Variants in ANO6 observed in about 807,000 individuals in gnomAD.
ANO6 encodes the protein anoctamin-6.
In ANO6, 106 loss-of-function variants were observed where a neutral mutation model predicts 117.5. That is an observed-to-expected ratio of 0.90 (90% CI 0.77 to 1.06). ANO6 has a LOEUF of 1.06. Ranked by LOEUF, ANO6 falls within the 50% of genes least tolerant of loss-of-function variation. ANO6 has a pLI of 0.00. For missense variants in ANO6, 955 were observed against 1,121.1 expected (o/e 0.85, Z 2.12); for synonymous variants, 367 against 385.1 (o/e 0.95, Z 0.55).
At chr12:45,337,941 GTATT>G (rs778807119) in intron 3 of ANO6, among the ~76,000 whole-genome samples, 3 of 151,948 alleles carry the variant, frequency 2.0e-5, no homozygotes, top group Non-Finnish European at 4.4e-5. Context: ...TGGAAAAAAA[GTATT>G]TAAGGTCACC....
Position 45,388,182 on chromosome 12 carries a change from G to T in ANO6, c.1187G>T (p.Trp396Leu), listed in dbSNP as rs1942348599. Residue 396 changes from tryptophan to leucine, a missense_variant, in exon 11 of 20, where the codon TGG becomes TTG. Transcript: ENST00000320560. ...GVWVTLFLEFWKRRQAELEYE... is the reference protein window; with the variant it reads ...GVWVTLFLEFLKRRQAELEYE... ...TTAGTTACCTTGTTTTTGGAGTTTT[G>T]GAAGCGACGCCAGGCAGAACTTGAG... The T allele has an allele frequency of 6.2e-7, 1 of 1,613,932 alleles. No homozygotes were observed. Among genetic ancestry groups the T allele is most frequent in the African/African-American group, 1.3e-5 (1 of 75,020 alleles).
At chr12:45,389,231 C>G (rs1942377965) in intron 11 of ANO6, among the ~76,000 whole-genome samples, 1 of 152,140 alleles carries the variant, frequency 6.6e-6, no homozygotes, top group Non-Finnish European at 1.5e-5. Context: ...AAACGAGGTT[C>G]AATTACCAGT....
intron 4 of ANO6, 99 bp downstream of exon 4, chr12:45,347,186 G>T: frequency 1.8e-6 from 2 of 1,125,080 alleles, no homozygotes; most frequent in Non-Finnish European, 2.7e-6. Context: ...ATGCAGCCCT[G>T]GCCACATCTT....
At chr12:45,270,378 G>C in intron 1 of ANO6, 1 of 1,413,664 alleles carries the variant, frequency 7.1e-7, no homozygotes, top group Non-Finnish European at 9.2e-7. Flanking sequence ...AGGCAGGTCT[G>C]ATGCCGCCTC....
At chr12:45,316,423 C>T (rs1012717426) in intron 2 of ANO6, among the ~76,000 whole-genome samples, 6 of 151,886 alleles carry the variant, frequency 4.0e-5, no homozygotes, top group Admixed American at 2.6e-4. Context: ...GAAGAGGAAA[C>T]GGAGCAAAGG....
intron 9 of ANO6, among the ~76,000 whole-genome samples, chr12:45,368,357 A>G (rs990695306): frequency 2.6e-5 from 4 of 152,222 alleles, no homozygotes; most frequent in African/African-American, 9.6e-5. Flanking sequence ...TGAAATCTGT[A>G]CTTCTGTTTT....
intron 9 of ANO6, among the ~76,000 whole-genome samples, chr12:45,371,169 G>A (rs550282020): frequency 7.9e-5 from 12 of 152,310 alleles, no homozygotes; most frequent in South Asian, 2.1e-4. Flanking sequence ...AAAAAACGGC[G>A]CACCACAAGA....
At chr12:45,339,586 G>T (rs1266348022) in intron 3 of ANO6, among the ~76,000 whole-genome samples, 1 of 151,890 alleles carries the variant, frequency 6.6e-6, no homozygotes, top group Non-Finnish European at 1.5e-5. Flanking sequence ...TCTGTTTTTT[G>T]TCCCCTAGTG....
intron 6 of ANO6, 49 bp downstream of exon 6, chr12:45,348,680 T>G: frequency 2.2e-6 from 3 of 1,378,132 alleles, no homozygotes; most frequent in Non-Finnish European, 3.1e-6. Flanking sequence ...TATACTCTGG[T>G]GTTGACAATA....
intron 1 of ANO6, among the ~76,000 whole-genome samples, chr12:45,294,118 A>G (rs898597009): frequency 8.5e-5 from 13 of 152,264 alleles, no homozygotes; most frequent in African/African-American, 3.1e-4. Flanking sequence ...GAGGTTGAAA[A>G]TAAGAAGGAT....
chr12:45,246,925 C>T (rs112109233), intron 1 of ANO6, among the ~76,000 whole-genome samples: 2,261 of 151,560 alleles, frequency 0.015, 46 homozygotes, highest in African/African-American at 0.05. Flanking sequence ...CCACCACGCG[C>T]GGCTCATTGT....
At chr12:45,347,669 T>C (rs1317283674) in intron 4 of ANO6, among the ~76,000 whole-genome samples, 1 of 152,148 alleles carries the variant, frequency 6.6e-6, no homozygotes, top group Non-Finnish European at 1.5e-5. Context: ...GTTTAGAAAA[T>C]TAAAAATTTT....
At chr12:45,360,151 T>G (rs970522439) in intron 8 of ANO6, among the ~76,000 whole-genome samples, 4 of 152,248 alleles carry the variant, frequency 2.6e-5, no homozygotes, top group Non-Finnish European at 5.9e-5. Flanking sequence ...ATATTTGGGA[T>G]AGAAGTCTCT....
intron 1 of ANO6, among the ~76,000 whole-genome samples, chr12:45,281,313 T>C (rs954640771): frequency 3.9e-5 from 6 of 152,190 alleles, no homozygotes; most frequent in Non-Finnish European, 8.8e-5. Flanking sequence ...TTAAAAATCA[T>C]TGGTCTTATT....
chr12:45,278,903 C>T (rs771737503), intron 1 of ANO6, among the ~76,000 whole-genome samples: 2 of 152,122 alleles, frequency 1.3e-5, no homozygotes, highest in Non-Finnish European at 2.9e-5. Context: ...AATTTTAGGC[C>T]GTCCCTCCAC....
At position 45,421,160 on chromosome 12, in the gene ANO6, C is replaced by T; in HGVS notation, c.2307C>T (p.Ser769=). ...FSVPPYGDHT[S]YTMEGYINNT... is the part of the protein sequence containing the mutation. ...TCCCTCCCTACGGGGACCACACTTC[C>T]TACACCATGGAAGGGTACATCAACA... The change falls in exon 18 of 20, where the codon TCC becomes TCT. Residue 769 remains serine (S), a synonymous_variant. Coordinates refer to ENST00000320560, the MANE Select transcript of ANO6 (RefSeq NM_001025356.3). 6.2e-7 allele frequency: 1 copy of T among 1,614,178 alleles called. No individual in the cohort carries two copies. Among genetic ancestry groups the T allele is most frequent in the Middle Eastern group, 1.6e-4 (1 of 6,062 alleles).
At chr12:45,373,856 AAAATC>A (rs1941920830) in intron 9 of ANO6, among the ~76,000 whole-genome samples, 1 of 152,174 alleles carries the variant, frequency 6.6e-6, no homozygotes, top group Non-Finnish European at 1.5e-5. Flanking sequence ...AGAAATAACT[AAAATC>A]AGAGCAGAAC....
intron 2 of ANO6, among the ~76,000 whole-genome samples, chr12:45,320,636 C>T (rs540290354): frequency 6.6e-6 from 1 of 152,156 alleles, no homozygotes; most frequent in East Asian, 1.9e-4. Context: ...CTATTAGGTC[C>T]ACTTGGTGCA....
intron 9 of ANO6, among the ~76,000 whole-genome samples, chr12:45,375,812 A>G (rs1284567686): frequency 2.0e-5 from 3 of 150,388 alleles, no homozygotes; most frequent in Admixed American, 2.0e-4. Context: ...CTTCATGTCT[A>G]AAACACCAAA....
Sources: allele counts gnomAD v4.1 joint callset (sites outside exome capture counted in the v4.1 genomes callset), GRCh38; gene constraint gnomAD v4.1.1; transcripts MANE v1.5; gene names NCBI Gene and HGNC (gene_info 2026-07-23, HGNC 2026-07-21).